Variants in ROBO2 observed in about 807,000 individuals in gnomAD.
ROBO2 encodes the protein roundabout guidance receptor 2.
In ROBO2, 53 loss-of-function variants were observed where a neutral mutation model predicts 160.8. The observed-to-expected ratio is 0.33, with a 90% CI of 0.26 to 0.41. The LOEUF is 0.41. Among genes scored for constraint, ROBO2 ranks in the 10% least tolerant of loss-of-function variants. The probability of loss-of-function intolerance (pLI) is 1.00; values close to 1 mark genes in which losing one functional copy is unlikely to be tolerated. For missense variants in ROBO2, 1,577 were observed against 1,722.4 expected, an observed-to-expected ratio of 0.92 and a Z score of 1.49; for synonymous variants, 664 against 611.7, an observed-to-expected ratio of 1.09 and a Z score of -1.26.
chr3:77,150,159 T>C (rs997314071), intron 2 of ROBO2, among the ~76,000 whole-genome samples: 3 of 152,098 alleles, frequency 2.0e-5, no homozygotes, highest in Non-Finnish European at 4.4e-5. Flanking sequence ...ACGAAAACAC[T>C]CAAAACTCCC....
intron 1 of ROBO2, among the ~76,000 whole-genome samples, chr3:75,934,805 T>A (rs1947700291): frequency 6.6e-6 from 1 of 152,184 alleles, no homozygotes; most frequent in African/African-American, 2.4e-5. Flanking sequence ...GAGATTTTTT[T>A]CAAATACTGC....
chr3:75,986,541 A>C (rs1012210771), intron 2 of ROBO2, among the ~76,000 whole-genome samples: 3 of 151,606 alleles, frequency 2.0e-5, no homozygotes, highest in African/African-American at 7.2e-5. Context: ...TTTTTAAAAA[A>C]AGTTTATCAA....
intron 2 of ROBO2, among the ~76,000 whole-genome samples, chr3:75,995,118 T>C (rs2065687614): frequency 6.6e-6 from 1 of 152,054 alleles, no homozygotes. Flanking sequence ...TGGGGAGAAA[T>C]TAAAGCCTGC....
intron 2 of ROBO2, among the ~76,000 whole-genome samples, chr3:76,891,666 T>G (rs2074353932): frequency 6.6e-6 from 1 of 152,094 alleles, no homozygotes; most frequent in South Asian, 2.1e-4. Flanking sequence ...TGGTTTACGC[T>G]TCAGAAAACT....
At chr3:77,026,922 T>A (rs979711689) in intron 2 of ROBO2, among the ~76,000 whole-genome samples, 2 of 152,186 alleles carry the variant, frequency 1.3e-5, no homozygotes, top group African/African-American at 4.8e-5. Flanking sequence ...TAAGATAATA[T>A]ATTTCAGTGT....
At chr3:76,622,227 GAAGGAAGGAAGAAAGA>G (rs1289620960) in intron 2 of ROBO2, among the ~76,000 whole-genome samples, 156 of 27,422 alleles carry the variant, frequency 5.7e-3, no homozygotes, top group Middle Eastern at 0.034. Context: ...AGGAAGGAAG[GAAGGAAGGAAGAAAGA>G]AAGAAAGAAA....
intron 2 of ROBO2, among the ~76,000 whole-genome samples, chr3:76,453,709 T>G (rs1016497590): frequency 6.6e-6 from 1 of 152,138 alleles, no homozygotes; most frequent in African/African-American, 2.4e-5. Context: ...CTGCCAAACA[T>G]GTCATGGGCA....
At chr3:77,249,631 T>A (rs78973186) in intron 2 of ROBO2, among the ~76,000 whole-genome samples, 12 of 151,810 alleles carry the variant, frequency 7.9e-5, no homozygotes, top group East Asian at 5.8e-4. Flanking sequence ...AACTTTTTTT[T>A]TATTTAAAAA....
intron 2 of ROBO2, among the ~76,000 whole-genome samples, chr3:77,294,594 A>G (rs1267716573): frequency 1.4e-5 from 2 of 148,070 alleles, no homozygotes; most frequent in Non-Finnish European, 3.0e-5. Flanking sequence ...AGCTGAGGCT[A>G]GATCATCAAA....
At chr3:77,208,248 G>T (rs74980718) in intron 2 of ROBO2, among the ~76,000 whole-genome samples, 3,803 of 152,190 alleles carry the variant, frequency 0.025, 185 homozygotes, top group East Asian at 0.22. Context: ...GAATTTAAAA[G>T]TTATGAATAT....
chr3:76,505,987 T>C (rs1372487380), intron 2 of ROBO2, among the ~76,000 whole-genome samples: 1 of 152,184 alleles, frequency 6.6e-6, no homozygotes, highest in African/African-American at 2.4e-5. Flanking sequence ...AGAAACTCCA[T>C]TTTGAAAAGC....
chr3:77,179,533 G>A (rs372651531), intron 2 of ROBO2, among the ~76,000 whole-genome samples: 1 of 151,740 alleles, frequency 6.6e-6, no homozygotes, highest in African/African-American at 2.4e-5. Context: ...CAGAGAAATA[G>A]CTAATCAAAT....
intron 2 of ROBO2, among the ~76,000 whole-genome samples, chr3:77,381,366 T>C (rs1006396982): frequency 6.6e-6 from 1 of 151,912 alleles, no homozygotes; most frequent in South Asian, 2.1e-4. Flanking sequence ...CCTGTTTCCA[T>C]AGAATCTATA....
chr3:76,758,934 T>G (rs2108342387), intron 2 of ROBO2, among the ~76,000 whole-genome samples: 1 of 152,032 alleles, frequency 6.6e-6, no homozygotes, highest in African/African-American at 2.4e-5. Context: ...CATGAAATTT[T>G]GTCCTAAATT....
intron 2 of ROBO2, among the ~76,000 whole-genome samples, chr3:76,313,991 G>A (rs1473311865): frequency 2.6e-5 from 4 of 152,210 alleles, no homozygotes; most frequent in Admixed American, 2.6e-4. Context: ...AGCACCAAAC[G>A]GATGACGGGA....
At chr3:76,446,059 G>A (rs928346829) in intron 2 of ROBO2, among the ~76,000 whole-genome samples, 1 of 152,098 alleles carries the variant, frequency 6.6e-6, no homozygotes, top group Non-Finnish European at 1.5e-5. Context: ...GCAGGAGAAA[G>A]AAATAAATGG....
intron 2 of ROBO2, among the ~76,000 whole-genome samples, chr3:77,428,339 ATTTTTTTTTTTTT>A (rs59725522): frequency 9.5e-6 from 1 of 105,568 alleles, no homozygotes; most frequent in African/African-American, 4.2e-5. Flanking sequence ...CTTAGGTAAT[ATTTTTTTTTTTTT>A]TTTTTTTTTT....
chr3:76,110,082 T>C (rs145357623), intron 2 of ROBO2, among the ~76,000 whole-genome samples: 1,786 of 151,498 alleles, frequency 0.012, 25 homozygotes, highest in African/African-American at 0.03. Context: ...TAAAAGCTTC[T>C]CATTCCATCT....
At chr3:76,040,418 A>G (rs945047936) in intron 2 of ROBO2, among the ~76,000 whole-genome samples, 1 of 151,886 alleles carries the variant, frequency 6.6e-6, no homozygotes, top group African/African-American at 2.4e-5. Flanking sequence ...CCATGTCAAA[A>G]TCAAGCAAAT....
Sources: allele counts gnomAD v4.1 joint callset (sites outside exome capture counted in the v4.1 genomes callset), GRCh38; gene constraint gnomAD v4.1.1; transcripts MANE v1.5; gene names NCBI Gene and HGNC (gene_info 2026-07-23, HGNC 2026-07-21).